CNTN4: variants seen among roughly 807,000 people sequenced by gnomAD.
CNTN4 encodes contactin-4.
A neutral mutation model predicts 122.5 loss-of-function variants in CNTN4; 77 were observed. The observed-to-expected ratio is 0.63, with a 90% CI of 0.52 to 0.76. The LOEUF is 0.76. CNTN4 is among the 30% of genes least tolerant of loss of function. The pLI is 0.00. For synonymous variants in CNTN4, 512 were observed against 447.0 expected, an observed-to-expected ratio of 1.15 and a Z score of -1.83; for missense variants, 1,256 against 1,259.1, an observed-to-expected ratio of 1.00 and a Z score of 0.04.
At chr3:2,678,873 A>G (rs1211251982) in intron 4 of CNTN4, among the ~76,000 whole-genome samples, 1 of 151,738 alleles carries the variant, frequency 6.6e-6, no homozygotes, top group East Asian at 1.9e-4. Flanking sequence ...AGATGAGGTA[A>G]CTCCCCACCC....
chr3:2,157,899 T>C (rs1463830396), intron 2 of CNTN4, among the ~76,000 whole-genome samples: 2 of 152,200 alleles, frequency 1.3e-5, no homozygotes, highest in Non-Finnish European at 2.9e-5. Context: ...ATGGATAAAT[T>C]GGCACACACA....
At chr3:2,472,590 G>T (rs2075719392) in intron 3 of CNTN4, among the ~76,000 whole-genome samples, 1 of 152,084 alleles carries the variant, frequency 6.6e-6, no homozygotes, top group Non-Finnish European at 1.5e-5. Context: ...GGAAATGATA[G>T]AATGCAATAA....
At chr3:2,197,050 G>GAAAAAAAA in intron 2 of CNTN4, among the ~76,000 whole-genome samples, 1 of 87,120 alleles carries the variant, frequency 1.1e-5, no homozygotes, top group Non-Finnish European at 2.5e-5. Context: ...GGTCTCACCA[G>GAAAAAAAA]AAAAAAAAAA....
chr3:2,532,236 G>A (rs1452169221), intron 3 of CNTN4, among the ~76,000 whole-genome samples: 3 of 152,112 alleles, frequency 2.0e-5, no homozygotes, highest in South Asian at 2.1e-4. Flanking sequence ...TAGGTCTTAT[G>A]GCAGGATTTG....
chr3:2,478,909 T>A (rs1388602980), intron 3 of CNTN4, among the ~76,000 whole-genome samples: 1 of 152,170 alleles, frequency 6.6e-6, no homozygotes, highest in Non-Finnish European at 1.5e-5. Flanking sequence ...GCCCTAATTA[T>A]ATTATATTTA....
At chr3:2,722,506 G>A (rs2087926669) in intron 4 of CNTN4, among the ~76,000 whole-genome samples, 1 of 152,214 alleles carries the variant, frequency 6.6e-6, no homozygotes, top group African/African-American at 2.4e-5. Context: ...GAAGGGATTT[G>A]AGGATCATTT....
intron 2 of CNTN4, among the ~76,000 whole-genome samples, chr3:2,203,598 A>G (rs1413428128): frequency 6.6e-6 from 1 of 152,180 alleles, no homozygotes; most frequent in Non-Finnish European, 1.5e-5. Context: ...TTAATTAGAG[A>G]AAATGTACCT....
At chr3:2,995,000 G>A (rs1468232164) in intron 14 of CNTN4, among the ~76,000 whole-genome samples, 1 of 152,058 alleles carries the variant, frequency 6.6e-6, no homozygotes, top group Non-Finnish European at 1.5e-5. Flanking sequence ...GATAATTAAG[G>A]GTATTTCTAA....
intron 23 of CNTN4, among the ~76,000 whole-genome samples, chr3:3,049,544 T>G (rs974357592): frequency 2.0e-5 from 3 of 152,214 alleles, no homozygotes; most frequent in Admixed American, 6.5e-5. Flanking sequence ...AGTTCTACAT[T>G]TAGCCACTTG....
rs534624715 is a variant in CNTN4, at chr3:2,426,044, T to C, written c.-89+86811T>C. Among the ~76,000 whole-genome samples, 27 of 152,298 alleles carry C rather than the reference T, an allele frequency of 1.8e-4. No homozygotes were observed. In the South Asian group the frequency reaches 4.6e-3, roughly 26 times the overall value. ...GCAATTTGACTTCCTCTTTTCCTAA[T>C]TGAATGCCCTTTATTTCCTTCTCCT... On this transcript the variant is annotated intron_variant, in intron 3 of 24. Coordinates refer to ENST00000418658, the MANE Select transcript of CNTN4 (RefSeq NM_175607.3).
At chr3:2,774,339 ATCT>A (rs748224516) in intron 6 of CNTN4, among the ~76,000 whole-genome samples, 16 of 152,144 alleles carry the variant, frequency 1.1e-4, no homozygotes, top group Admixed American at 2.0e-4. Context: ...TCATCTGCCA[ATCT>A]TCTTGCCTTC....
intron 2 of CNTN4, among the ~76,000 whole-genome samples, chr3:2,336,854 T>C (rs1196645900): frequency 2.0e-5 from 3 of 152,156 alleles, no homozygotes; most frequent in African/African-American, 7.2e-5. Flanking sequence ...TCTGGTTCTC[T>C]CAAGACTGGC....
intron 2 of CNTN4, among the ~76,000 whole-genome samples, chr3:2,107,463 C>T (rs112188707): frequency 6.6e-6 from 1 of 151,962 alleles, no homozygotes; most frequent in Non-Finnish European, 1.5e-5. Context: ...GAGGAAAATC[C>T]CCTTATAAAA....
rs370348046 is a variant in CNTN4 at position 2,458,946 on chromosome 3, T to C, written c.-88-112470T>C. Among the ~76,000 whole-genome samples, 48 of 152,300 alleles carry C rather than the reference T, an allele frequency of 3.2e-4. 2 individuals carry two copies. The East Asian group carries it at 7.3e-3, about 23-fold the overall frequency. ...GTACATTAGACTGTACAATTCTTCC[T>C]TTCCGCCTAGCATGCTTTGCATTCC... On this transcript the variant is annotated intron_variant, in intron 3 of 24. Coordinates refer to ENST00000418658, the MANE Select transcript of CNTN4 (RefSeq NM_175607.3).
intron 2 of CNTN4, among the ~76,000 whole-genome samples, chr3:2,171,754 G>A (rs1022460297): frequency 7.2e-5 from 11 of 152,132 alleles, no homozygotes; most frequent in African/African-American, 2.7e-4. Flanking sequence ...AACCATGAAA[G>A]ACAAGAAAAG....
At chr3:2,729,045 T>A (rs886405080) in intron 4 of CNTN4, among the ~76,000 whole-genome samples, 3 of 152,184 alleles carry the variant, frequency 2.0e-5, no homozygotes, top group African/African-American at 7.2e-5. Flanking sequence ...ACCTGGAATT[T>A]GTAGTTTTCT....
intron 13 of CNTN4, among the ~76,000 whole-genome samples, chr3:2,938,686 A>G (rs2094586563): frequency 6.6e-6 from 1 of 152,216 alleles, no homozygotes; most frequent in Admixed American, 6.5e-5. Context: ...TTTCAGTAAT[A>G]AACTGGCAGC....
chr3:2,124,551 C>T (rs956898807), intron 2 of CNTN4, among the ~76,000 whole-genome samples: 2 of 151,678 alleles, frequency 1.3e-5, no homozygotes, highest in Middle Eastern at 3.4e-3. Context: ...CACTTGAGCC[C>T]AGGAGTTCAA....
chr3:2,608,215 G>C (rs958956651), intron 4 of CNTN4, among the ~76,000 whole-genome samples: 6 of 152,208 alleles, frequency 3.9e-5, no homozygotes, highest in African/African-American at 1.4e-4. Context: ...TGTGCTCCAA[G>C]TTGGAGAAAT....
Sources: gnomAD v4.1 joint callset for allele counts (sites outside exome capture counted in the v4.1 genomes callset) on GRCh38, gnomAD v4.1.1 for gene constraint, MANE v1.5 for transcripts, NCBI Gene and HGNC (gene_info 2026-07-23, HGNC 2026-07-21) for gene names.